UNKL: variants seen among roughly 807,000 people sequenced by gnomAD.
UNKL encodes the protein putative E3 ubiquitin-protein ligase UNKL.
Under a neutral mutation model 78.0 loss-of-function variants are expected in UNKL, and 60 were observed. That is an observed-to-expected ratio of 0.77 (90% CI 0.63 to 0.95). The LOEUF (loss-of-function observed/expected upper bound fraction) is 0.95. UNKL is among the 40% of genes least tolerant of loss of function. The probability of loss-of-function intolerance (pLI) is 0.00; values close to 1 mark genes in which losing one functional copy is unlikely to be tolerated. For missense variants in UNKL, 1,159 were observed against 1,045.7 expected, an observed-to-expected ratio of 1.11 and a Z score of -1.49; for synonymous variants, 608 against 474.8, an observed-to-expected ratio of 1.28 and a Z score of -3.65.
chr16:1,385,511 G>C (rs2036778354), intron 9 of UNKL, 126 bp from the exon 10 acceptor site: 1 of 1,005,010 alleles, frequency 1.0e-6, no homozygotes. Context: ...GGCCCAGGGA[G>C]AGCTTCCCAG....
At chr16:1,384,137 C>CTTCA (rs2142084675) in intron 10 of UNKL, among the ~76,000 whole-genome samples, 1 of 152,248 alleles carries the variant, frequency 6.6e-6, no homozygotes, top group African/African-American at 2.4e-5. Flanking sequence ...GAACATGGGG[C>CTTCA]TTCAGCACAT....
chr16:1,366,469 T>C, intron 14 of UNKL, 74 bp from the exon 15 acceptor site: 1 of 1,462,850 alleles, frequency 6.8e-7, no homozygotes, highest in Non-Finnish European at 9.1e-7. Flanking sequence ...CGGAGGGCCT[T>C]CCGGGCAGGA....
chr16:1,384,805 C>G (rs936423370), intron 10 of UNKL, among the ~76,000 whole-genome samples: 1 of 152,124 alleles, frequency 6.6e-6, no homozygotes, highest in Non-Finnish European at 1.5e-5. Flanking sequence ...CACTATGTTG[C>G]CCAGGCTGGT....
chr16:1,402,042 T>C (rs1365026345), intron 3 of UNKL, among the ~76,000 whole-genome samples: 3 of 152,206 alleles, frequency 2.0e-5, no homozygotes, highest in Non-Finnish European at 4.4e-5. Context: ...GGATTACATG[T>C]ATGGGCCACT....
At chr16:1,377,727 A>G (rs1315630386) in intron 10 of UNKL, among the ~76,000 whole-genome samples, 2 of 152,082 alleles carry the variant, frequency 1.3e-5, no homozygotes, top group Non-Finnish European at 2.9e-5. Context: ...CCAGATGTCC[A>G]GCAGGGGCCA....
chr16:1,413,243 C>CAAAAAAAA (rs546295462), intron 2 of UNKL, among the ~76,000 whole-genome samples: 2 of 71,648 alleles, frequency 2.8e-5, no homozygotes, highest in Non-Finnish European at 5.2e-5. Flanking sequence ...GACCCTGTCT[C>CAAAAAAAA]AAAAAAAAAA....
chr16:1,413,030 T>C (rs2038110625), intron 2 of UNKL, among the ~76,000 whole-genome samples: 1 of 151,070 alleles, frequency 6.6e-6, no homozygotes, highest in African/African-American at 2.4e-5. Flanking sequence ...GGAGGATTGC[T>C]TGAGCCCAGA....
chr16:1,413,805 C>G (rs1163037401), intron 2 of UNKL, 41 bp downstream of exon 2: 2 of 1,487,420 alleles, frequency 1.3e-6, no homozygotes, highest in Non-Finnish European at 1.8e-6. Context: ...GGAGGCCCCC[C>G]ACCTCCGCCC....
At chr16:1,411,593 G>A (rs868301613) in intron 2 of UNKL, among the ~76,000 whole-genome samples, 4 of 152,148 alleles carry the variant, frequency 2.6e-5, no homozygotes, top group Admixed American at 6.5e-5. Context: ...TTGGGACGCC[G>A]AGGCGGGCAG....
intron 11 of UNKL, among the ~76,000 whole-genome samples, chr16:1,371,066 G>C (rs2035786851): frequency 7.1e-6 from 1 of 141,644 alleles, no homozygotes; most frequent in Non-Finnish European, 1.5e-5. Flanking sequence ...CTGGGCGACA[G>C]AGCGAGGCTC....
In UNKL at chr16:1,401,695, C is replaced by A; in HGVS notation, c.471G>T (p.Leu157=). ...LRPPVCDVRE[L]QAQEALQNGQ... The stretch of plus-strand genomic sequence containing the variant: ...CGTTCTGCAAGGCTTCCTGGGCCTG[C>A]AGCTCCCTGCAAGCCGAGGACACAG... The change falls in exon 4 of 15, where the codon CTG becomes CTT. Residue 157 remains leucine, a synonymous_variant. Transcript: ENST00000389221. The A allele has an allele frequency of 6.2e-7, 1 of 1,609,086 alleles. No individual in the cohort carries two copies. Among genetic ancestry groups the A allele is most frequent in the Non-Finnish European group, 8.5e-7 (1 of 1,178,436 alleles).
chr16:1,393,597 C>T (rs1468254725), intron 7 of UNKL, among the ~76,000 whole-genome samples: 2 of 152,228 alleles, frequency 1.3e-5, no homozygotes, highest in Admixed American at 6.5e-5. Context: ...AAGCTAAGCC[C>T]TCATCCCCTG....
In UNKL at chr16:1,364,204, GA is replaced by G. The variant is rs2035051861; in HGVS notation, c.*2035del. 1 of 152,216 alleles carries G rather than the reference GA, an allele frequency of 6.6e-6. No individual in the cohort carries two copies. Among genetic ancestry groups the G allele is most frequent in the South Asian group, 2.1e-4 (1 of 4,828 alleles). 9.4% of individuals were successfully genotyped at this position (152,216 alleles called of 1,614,324 possible). ...AAAATAGATTCACTGAAACCAAGTC[GA>G]TAGTTACCTTGGAGTAGTGGACTAG... On this transcript the variant is annotated 3_prime_UTR_variant, in exon 15 of 15. Coordinates refer to ENST00000389221, the MANE Select transcript of UNKL (RefSeq NM_001372107.1).
At chr16:1,371,456 G>T (rs1052881302) in intron 11 of UNKL, 63 bp downstream of exon 11, 1 of 1,493,840 alleles carries the variant, frequency 6.7e-7, no homozygotes. Context: ...GCGATCCTCC[G>T]GCCACAGCAC....
At chr16:1,401,426 T>G in intron 4 of UNKL, 142 bp downstream of exon 4, 1 of 1,122,932 alleles carries the variant, frequency 8.9e-7, no homozygotes, top group Non-Finnish European at 1.2e-6. Flanking sequence ...GAGGGCTTGG[T>G]ATTGGACTCC....
chr16:1,368,045 G>T (rs142132780), intron 12 of UNKL, 187 bp from the exon 13 acceptor site: 9,602 of 610,574 alleles, frequency 0.016, 106 homozygotes, highest in Non-Finnish European at 0.02. Context: ...TCAGGAAGAG[G>T]CGCTGACAGT....
At chr16:1,398,632 G>GGGAGGC in intron 5 of UNKL, 1 of 1,436,626 alleles carries the variant, frequency 7.0e-7, no homozygotes, top group Non-Finnish European at 9.1e-7. Context: ...CAGGGCCTCA[G>GGGAGGC]GGAGGCCAAG....
Position 1,403,097 on chromosome 16 carries a change from G to T in UNKL, c.464+71C>A. The T allele has an allele frequency of 1.3e-6, 2 of 1,504,642 alleles. No individual in the cohort carries two copies. The highest frequency in any genetic ancestry group is 1.4e-5 in the African/African-American group (1 of 72,072). The allele number at this position is 1,504,642 out of a possible 1,614,324, so 93.2% of individuals were successfully genotyped here. A position where few individuals can be genotyped will look rare whatever the true frequency, so the allele number is the denominator to read the frequency against. On this transcript the variant is annotated intron_variant, in intron 3 of 14. Coordinates refer to ENST00000389221, the MANE Select transcript of UNKL (RefSeq NM_001372107.1). This position sits in a 1 kb window ranked among gnomAD's most constrained non-coding sequence, Gnocchi z 4.8. The stretch of plus-strand genomic sequence containing the variant: ...GCAGCAGGGAGGCGAGCCACTTGCC[G>T]AGTTCCTGCTCATCCAGCAGAGCCC...
intron 10 of UNKL, among the ~76,000 whole-genome samples, chr16:1,375,375 C>T (rs2036141132): frequency 1.3e-5 from 2 of 152,318 alleles, no homozygotes; most frequent in South Asian, 4.1e-4. Context: ...AGGCCACCCC[C>T]ACCCCACTCC....
Sources: allele counts gnomAD v4.1 joint callset (sites outside exome capture counted in the v4.1 genomes callset), GRCh38; gene constraint gnomAD v4.1.1; non-coding constraint Gnocchi (gnomAD v3.1); transcripts MANE v1.5; gene names NCBI Gene and HGNC (gene_info 2026-07-23, HGNC 2026-07-21).